Variants in CHODL observed in about 807,000 individuals in gnomAD.
CHODL encodes the protein chondrolectin.
CHODL carries 29 observed loss-of-function variants against 34.5 expected under a neutral mutation model. The observed-to-expected ratio is 0.84, with a 90% CI of 0.63 to 1.15. CHODL has a LOEUF of 1.15. CHODL is among the 50% of genes most tolerant of loss of function. CHODL has a pLI of 0.00. For missense variants in CHODL, 332 were observed against 332.5 expected, an observed-to-expected ratio of 1.00 and a Z score of 0.01; for synonymous variants, 125 against 116.1, an observed-to-expected ratio of 1.08 and a Z score of -0.49.
chr21:18,111,820 T>C (rs1491781), intron 2 of CHODL, among the ~76,000 whole-genome samples: 49,749 of 152,026 alleles, frequency 0.33, 9,307 homozygotes, highest in East Asian at 0.67. Context: ...GCCTATTCAG[T>C]ATTTTTCAGA....
At chr21:18,242,514 C>A (rs546659886), upstream of CHODL, among the ~76,000 whole-genome samples, 1 of 147,996 alleles carries the variant, frequency 6.8e-6, no homozygotes, top group South Asian at 2.2e-4. Flanking sequence ...ATATTTAAGA[C>A]AACTCAAACT....
chr21:17,981,717 T>A (rs141089729), intron 1 of CHODL, among the ~76,000 whole-genome samples: 1 of 152,342 alleles, frequency 6.6e-6, no homozygotes, highest in East Asian at 1.9e-4. Flanking sequence ...TTATGTGGCC[T>A]GGCCTCATAT....
intron 2 of CHODL, among the ~76,000 whole-genome samples, chr21:18,029,152 A>G (rs1310039061): frequency 6.6e-6 from 1 of 152,186 alleles, no homozygotes; most frequent in Non-Finnish European, 1.5e-5. Context: ...ATGAACCAAT[A>G]TCATCTCTCC....
At chr21:18,213,066 C>T (rs1320575168) in intron 2 of CHODL, among the ~76,000 whole-genome samples, 1 of 152,220 alleles carries the variant, frequency 6.6e-6, no homozygotes, top group Admixed American at 6.5e-5. Context: ...TAGGTAATGT[C>T]AAACAAATGA....
intron 2 of CHODL, among the ~76,000 whole-genome samples, chr21:18,100,562 T>A (rs1363578858): frequency 6.6e-6 from 1 of 152,160 alleles, no homozygotes; most frequent in Non-Finnish European, 1.5e-5. Flanking sequence ...AGGATATTAT[T>A]TAGAGACTCA....
intron 2 of CHODL, among the ~76,000 whole-genome samples, chr21:18,169,419 T>A (rs1215962078): frequency 6.6e-6 from 1 of 150,920 alleles, no homozygotes; most frequent in Non-Finnish European, 1.5e-5. Context: ...GCTAAAGTTT[T>A]GCCATTTTCT....
At chr21:18,203,643 A>G (rs1257570572) in intron 2 of CHODL, among the ~76,000 whole-genome samples, 3 of 152,108 alleles carry the variant, frequency 2.0e-5, no homozygotes, top group Non-Finnish European at 4.4e-5. Flanking sequence ...ACTTTCTCTC[A>G]TTTACCTCAC....
At chr21:17,973,594 T>TGG (rs1568824515) in intron 1 of CHODL, among the ~76,000 whole-genome samples, 5 of 150,324 alleles carry the variant, frequency 3.3e-5, no homozygotes, top group Non-Finnish European at 7.4e-5. Flanking sequence ...TTTTTTGTAT[T>TGG]TTTTTTTAGT....
intron 2 of CHODL, among the ~76,000 whole-genome samples, chr21:18,146,116 C>T (rs558118822): frequency 4.6e-5 from 7 of 151,366 alleles, no homozygotes; most frequent in Non-Finnish European, 8.8e-5. Context: ...CTACATTGCC[C>T]GCCACCACGC....
chr21:18,010,212 G>A lies in CHODL; in HGVS notation c.-144-17660G>A, dbSNP rs2064003348. 2.1e-5 allele frequency among the ~76,000 whole-genome samples: 3 copies of A among 146,066 alleles called. No homozygotes were observed. In the South Asian group the frequency reaches 6.5e-4, roughly 32 times the overall value. On this transcript the variant is annotated intron_variant, in intron 1 of 6. Coordinates refer to the CHODL transcript ENST00000400127. Reference sequence around the variant, plus strand: ...CCCAGGAGGCTGAGACAGGAGAATGGCGGGAACCCGGGAGGTGGAGCTTGC... The same window carrying A: ...CCCAGGAGGCTGAGACAGGAGAATGACGGGAACCCGGGAGGTGGAGCTTGC...
intron 2 of CHODL, among the ~76,000 whole-genome samples, chr21:18,121,612 T>C (rs187426904): frequency 3.3e-5 from 5 of 152,352 alleles, no homozygotes; most frequent in Admixed American, 6.5e-5. Flanking sequence ...AATCAAGTTA[T>C]TGTTTGTGTC....
intron 2 of CHODL, among the ~76,000 whole-genome samples, chr21:18,197,279 C>T (rs563987135): frequency 1.3e-5 from 2 of 151,988 alleles, no homozygotes; most frequent in Non-Finnish European, 2.9e-5. Context: ...ATGTATGAAA[C>T]CATTATTCTC....
chr21:18,020,308 G>A (rs2064116227), intron 1 of CHODL, among the ~76,000 whole-genome samples: 1 of 152,134 alleles, frequency 6.6e-6, no homozygotes, highest in Non-Finnish European at 1.5e-5. Context: ...ATGAAAAATT[G>A]TAGTCTAAGT....
At chr21:18,252,237 C>T (rs2074265982) in intron 1 of CHODL, among the ~76,000 whole-genome samples, 1 of 151,894 alleles carries the variant, frequency 6.6e-6, no homozygotes, top group Non-Finnish European at 1.5e-5. Context: ...GTAATAGAAC[C>T]CGTTATATGG....
At chr21:18,194,066 C>T (rs896919643) in intron 2 of CHODL, among the ~76,000 whole-genome samples, 1 of 151,934 alleles carries the variant, frequency 6.6e-6, no homozygotes, top group African/African-American at 2.4e-5. Context: ...CCACTGCTAC[C>T]CCCCTGTGAA....
intron 2 of CHODL, among the ~76,000 whole-genome samples, chr21:18,206,160 T>C (rs929830949): frequency 1.3e-5 from 2 of 152,230 alleles, no homozygotes; most frequent in African/African-American, 4.8e-5. Context: ...TTTTGGTCTG[T>C]AGTGCAGATT....
intron 2 of CHODL, among the ~76,000 whole-genome samples, chr21:18,129,259 C>A (rs2072621810): frequency 8.5e-6 from 1 of 117,694 alleles, no homozygotes; most frequent in Admixed American, 9.1e-5. Context: ...ACAAACTTGA[C>A]AAAGAAGAGA....
At chr21:18,091,779 G>C (rs930147437) in intron 2 of CHODL, among the ~76,000 whole-genome samples, 1 of 152,102 alleles carries the variant, frequency 6.6e-6, no homozygotes, top group Non-Finnish European at 1.5e-5. Flanking sequence ...AGAGCCCTTG[G>C]GCTTTAAGCA....
At chr21:18,167,523 A>G (rs1336471191) in intron 2 of CHODL, among the ~76,000 whole-genome samples, 1 of 151,774 alleles carries the variant, frequency 6.6e-6, no homozygotes, top group Admixed American at 6.6e-5. Context: ...GTTAGCCAAG[A>G]TGGTCTCAAT....
Sources: gnomAD v4.1 joint callset for allele counts (sites outside exome capture counted in the v4.1 genomes callset) on GRCh38, gnomAD v4.1.1 for gene constraint, MANE v1.5 for transcripts, NCBI Gene and HGNC (gene_info 2026-07-23, HGNC 2026-07-21) for gene names.